Variants in MYO18B observed in about 807,000 individuals in gnomAD.
The protein encoded by MYO18B is myosin XVIIIB.
MYO18B carries 204 observed loss-of-function variants against 273.0 expected under a neutral mutation model. The ratio of observed to expected loss-of-function variants is 0.75; its 90% confidence interval spans 0.67 to 0.84. The LOEUF is 0.84. Ranked by LOEUF, MYO18B falls within the 40% of genes least tolerant of loss-of-function variation. MYO18B has a pLI of 0.00. For synonymous variants in MYO18B, 1,330 were observed against 1,305.7 expected (o/e 1.02, Z -0.40); for missense variants, 3,212 against 3,287.6 (o/e 0.98, Z 0.56).
intron 34 of MYO18B, among the ~76,000 whole-genome samples, chr22:25,925,959 A>C (rs1012050786): frequency 1.1e-4 from 17 of 149,706 alleles, no homozygotes; most frequent in African/African-American, 4.2e-4. Flanking sequence ...TAATCCCAGC[A>C]CTTTGGGAGG....
chr22:26,015,876 G>A (rs140742459), intron 42 of MYO18B, among the ~76,000 whole-genome samples: 28 of 152,236 alleles, frequency 1.8e-4, no homozygotes, highest in South Asian at 6.2e-4. Flanking sequence ...CTAACTTAGT[G>A]CATCTACCAC....
chr22:26,020,873 G>A (rs560797955), intron 42 of MYO18B, among the ~76,000 whole-genome samples: 1 of 152,152 alleles, frequency 6.6e-6, no homozygotes, highest in Non-Finnish European at 1.5e-5. Context: ...TGGATCACTT[G>A]AGGTCAGGAG....
Position 25,770,133 on chromosome 22 carries a change from G to C in MYO18B, c.1536G>C (p.Glu512Asp), listed in dbSNP as rs2086665871. ...AGGCTCCTGAGGACAGATGGTATGA[G>C]GCAGAGAAAGTCTGGCTGGCTCAGA... ...SDQAPEDRWY[E>D]AEKVWLAQKD... Residue 512 changes from glutamate (E) to aspartate (D), a missense_variant, in exon 5 of 44, where the codon GAG becomes GAC. Transcript: ENST00000335473. 6.2e-7 allele frequency: 1 copy of C among 1,613,940 alleles called. No homozygotes were observed. Among genetic ancestry groups the C allele is most frequent in the Non-Finnish European group, 8.5e-7 (1 of 1,179,876 alleles).
intron 7 of MYO18B, among the ~76,000 whole-genome samples, chr22:25,775,948 C>G (rs1363577502): frequency 6.6e-6 from 1 of 152,022 alleles, no homozygotes; most frequent in East Asian, 1.9e-4. Flanking sequence ...CAGTTCTGAG[C>G]ATTTTTGACA....
intron 2 of MYO18B, among the ~76,000 whole-genome samples, chr22:25,762,533 T>C (rs917915324): frequency 1.3e-5 from 2 of 152,284 alleles, no homozygotes; most frequent in Non-Finnish European, 2.9e-5. Context: ...GGGTCTCAGC[T>C]GCACCACAAG....
In MYO18B at chr22:26,027,050, C is replaced by CGAGCATGG; in HGVS notation, c.7078_7085dup (p.Arg2363AlafsTer6). 1 of 1,613,984 alleles carries CGAGCATGG rather than the reference C, an allele frequency of 6.2e-7. No individual in the cohort carries two copies. On this transcript the variant is annotated frameshift_variant, in exon 43 of 44. Coordinates refer to ENST00000335473, the MANE Select transcript of MYO18B (RefSeq NM_032608.7). LOFTEE classifies it low-confidence loss of function (END_TRUNC). This position sits in a 1 kb window ranked among gnomAD's most constrained non-coding sequence, Gnocchi z 4.1. ...TGCGAGTCCCTCTTAGAATCCAGAC[C>CGAGCATGG]GAGCATGGGGAGAAAACTGAGCTCT... is the stretch of plus-strand genomic sequence containing the variant.
At chr22:25,881,231 A>G (rs1442577611) in intron 25 of MYO18B, among the ~76,000 whole-genome samples, 2 of 152,244 alleles carry the variant, frequency 1.3e-5, no homozygotes, top group African/African-American at 4.8e-5. Flanking sequence ...TCCCCACATT[A>G]AAGTGTCAAC....
intron 12 of MYO18B, among the ~76,000 whole-genome samples, chr22:25,809,182 A>T (rs2088620603): frequency 6.6e-6 from 1 of 151,974 alleles, no homozygotes; most frequent in Non-Finnish European, 1.5e-5. Context: ...TGACCTCATG[A>T]TCCACCCACC....
At chr22:25,908,470 T>G in intron 32 of MYO18B, 38 bp downstream of exon 32, 402 of 1,401,112 alleles carry the variant, frequency 2.9e-4, no homozygotes, top group Non-Finnish European at 3.6e-4. Context: ...CCTTGGATCC[T>G]GGCAGGTCTG....
intron 20 of MYO18B, among the ~76,000 whole-genome samples, chr22:25,850,365 T>C (rs1379844698): frequency 6.6e-6 from 1 of 152,124 alleles, no homozygotes; most frequent in East Asian, 1.9e-4. Context: ...TTGGCTACTC[T>C]CCGCTGCCTG....
chr22:25,825,922 C>T (rs1177777604), intron 13 of MYO18B, among the ~76,000 whole-genome samples: 1 of 152,196 alleles, frequency 6.6e-6, no homozygotes, highest in Non-Finnish European at 1.5e-5. Flanking sequence ...GAATCATAAA[C>T]ATTTACTGAG....
intron 39 of MYO18B, among the ~76,000 whole-genome samples, chr22:25,985,085 T>C (rs2093186816): frequency 6.6e-6 from 1 of 152,212 alleles, no homozygotes; most frequent in Non-Finnish European, 1.5e-5. Flanking sequence ...TTGATGAGTC[T>C]CTCTGTGTCT....
intron 11 of MYO18B, among the ~76,000 whole-genome samples, chr22:25,789,080 T>C (rs1266679878): frequency 5.2e-4 from 6 of 11,600 alleles, no homozygotes; most frequent in Admixed American, 2.4e-3. Flanking sequence ...CTCCTCCTTC[T>C]TCTTCCTCCT....
chr22:25,877,563 G>A (rs182020905), intron 24 of MYO18B, among the ~76,000 whole-genome samples: 1 of 152,100 alleles, frequency 6.6e-6, no homozygotes, highest in South Asian at 2.1e-4. Flanking sequence ...CATCTCCGGG[G>A]TTCAAGTGAT....
At chr22:25,827,162 A>G (rs1366932432) in intron 14 of MYO18B, among the ~76,000 whole-genome samples, 1 of 152,200 alleles carries the variant, frequency 6.6e-6, no homozygotes, top group African/African-American at 2.4e-5. Flanking sequence ...CAGGGATTGC[A>G]CTAATTGTGT....
At chr22:25,850,083 G>A (rs1010935194) in intron 20 of MYO18B, among the ~76,000 whole-genome samples, 1 of 152,158 alleles carries the variant, frequency 6.6e-6, no homozygotes, top group African/African-American at 2.4e-5. Context: ...TGTGCTGTCT[G>A]CATCCTTCAA....
intron 33 of MYO18B, among the ~76,000 whole-genome samples, chr22:25,913,200 A>G (rs1323924340): frequency 6.6e-6 from 1 of 152,186 alleles, no homozygotes; most frequent in Admixed American, 6.5e-5. Context: ...AGCAGTTTCC[A>G]TCGTCACTAG....
At chr22:25,834,086 T>G (rs1356111775) in intron 16 of MYO18B, among the ~76,000 whole-genome samples, 7 of 151,864 alleles carry the variant, frequency 4.6e-5, no homozygotes, top group African/African-American at 1.7e-4. Context: ...CAGTGTTGGC[T>G]GGGAAGGGCG....
At chr22:26,053,707 G>C in the MYO18B span, among the ~76,000 whole-genome samples, 2 of 152,252 alleles carry the variant, frequency 1.3e-5, no homozygotes, top group African/African-American at 4.8e-5. Flanking sequence ...TGCATTTGTA[G>C]GTAAAGGAAA....
Sources: allele counts gnomAD v4.1 joint callset (sites outside exome capture counted in the v4.1 genomes callset), GRCh38; gene constraint gnomAD v4.1.1; non-coding constraint Gnocchi (gnomAD v3.1); transcripts MANE v1.5; gene names NCBI Gene and HGNC (gene_info 2026-07-23, HGNC 2026-07-21).